HMGCS1: variants seen among roughly 807,000 people sequenced by gnomAD.
The protein encoded by HMGCS1 is 3-hydroxy-3-methylglutaryl-CoA synthase 1, also known as hydroxymethylglutaryl-CoA synthase, cytoplasmic.
In HMGCS1, 9 loss-of-function variants were observed where a neutral mutation model predicts 52.3. The ratio of observed to expected loss-of-function variants is 0.17; its 90% confidence interval spans 0.10 to 0.30. The LOEUF (loss-of-function observed/expected upper bound fraction) is 0.30. Among genes scored for constraint, HMGCS1 ranks in the 10% least tolerant of loss-of-function variants. HMGCS1 has a pLI of 1.00. For synonymous variants in HMGCS1, 176 were observed against 214.4 expected, an observed-to-expected ratio of 0.82 and a Z score of 1.57; for missense variants, 320 against 620.9, an observed-to-expected ratio of 0.52 and a Z score of 5.15.
chr5:43,310,509 AG>A (rs1365366134), intron 1 of HMGCS1, among the ~76,000 whole-genome samples: 1 of 152,236 alleles, frequency 6.6e-6, no homozygotes, highest in Non-Finnish European at 1.5e-5. Flanking sequence ...CTTGAAGTAA[AG>A]GGTACTCAAA....
chr5:43,306,674 C>T (rs1471626568), intron 2 of HMGCS1, among the ~76,000 whole-genome samples: 1 of 150,848 alleles, frequency 6.6e-6, no homozygotes, highest in Non-Finnish European at 1.5e-5. Context: ...CAGAAAAATC[C>T]AAAATCTTTA....
chr5:43,289,161 A>G lies in HMGCS1; in HGVS notation c.*1970T>C, dbSNP rs1046210659. The G allele has an allele frequency of 6.6e-6, 1 of 152,208 alleles. No homozygotes were observed. Among genetic ancestry groups the G allele is most frequent in the African/African-American group, 2.4e-5 (1 of 41,450 alleles). The allele number at this position is 152,208 out of a possible 1,614,324, so 9.4% of individuals were successfully genotyped here. ...AATAATTATCAGTGTAAATTCCTCC[A>G]TTCTAGATGAACAGCTCCTTAAAGA... is the stretch of plus-strand genomic sequence containing the variant. On this transcript the variant is annotated 3_prime_UTR_variant, in exon 11 of 11. Transcript: ENST00000325110.
rs1292637481 is a variant in HMGCS1 at position 43,298,183 on chromosome 5, C to T, written c.449-49G>A. 6.6e-7 allele frequency: 1 copy of T among 1,512,392 alleles called. No homozygotes were observed. The highest frequency in any genetic ancestry group is 9.0e-7 in the Non-Finnish European group (1 of 1,107,596). The allele number at this position is 1,512,392 out of a possible 1,614,324, so 93.7% of individuals were successfully genotyped here. On this transcript the variant is annotated intron_variant, in intron 3 of 10. Coordinates refer to ENST00000325110, the MANE Select transcript of HMGCS1 (RefSeq NM_001098272.3). This position sits in a 1 kb window ranked among gnomAD's most constrained non-coding sequence, Gnocchi z 5.6. ...CACAAGAAGGAATTCAACACTATAA[C>T]CAAACATGGAAACTGAAGTCTGTTA...
At chr5:43,294,567 T>G in intron 7 of HMGCS1, 124 bp downstream of exon 7, 1 of 621,234 alleles carries the variant, frequency 1.6e-6, no homozygotes, top group South Asian at 2.4e-5. Flanking sequence ...AATAGCAGAT[T>G]AGAGAGCCTC....
intron 1 of HMGCS1, among the ~76,000 whole-genome samples, chr5:43,312,432 CATT>C (rs1172481474): frequency 6.6e-6 from 1 of 152,228 alleles, no homozygotes; most frequent in African/African-American, 2.4e-5. Flanking sequence ...CACAACCTCA[CATT>C]ATTTGTTCCC....
In HMGCS1 at chr5:43,294,132, T is replaced by C. The variant is rs1753917847; in HGVS notation, c.1107A>G (p.Arg369=). ...QYSPQQLAGK[R]IGVFSYGSGL... is the part of the protein sequence containing the mutation. ...CAGAACCATAAGAAAACACTCCAAT[T>C]CTCTTCCCTGCTAATTGCTGAGGTG... The change falls in exon 8 of 11, where the codon AGA becomes AGG. Residue 369 remains arginine, a synonymous_variant. Transcript: ENST00000325110. The C allele has an allele frequency of 6.2e-7, 1 of 1,613,010 alleles. No homozygotes were observed. Among genetic ancestry groups the C allele is most frequent in the South Asian group, 1.1e-5 (1 of 91,066 alleles).
intron 2 of HMGCS1, among the ~76,000 whole-genome samples, chr5:43,302,994 T>C (rs1754393861): frequency 6.6e-6 from 1 of 152,218 alleles, no homozygotes; most frequent in Non-Finnish European, 1.5e-5. Flanking sequence ...TTTTCCATCT[T>C]ATTGAATGTG....
intron 2 of HMGCS1, among the ~76,000 whole-genome samples, chr5:43,301,715 A>T (rs986589935): frequency 2.0e-5 from 3 of 152,260 alleles, no homozygotes; most frequent in Admixed American, 6.5e-5. Flanking sequence ...GGAAGCTGAC[A>T]TGGCAGTCCA....
intron 1 of HMGCS1, among the ~76,000 whole-genome samples, chr5:43,311,041 C>G (rs972111579): frequency 1.3e-5 from 2 of 152,124 alleles, no homozygotes; most frequent in Non-Finnish European, 2.9e-5. Context: ...GAGTCTAGTT[C>G]TAGCCAGGCA....
chr5:43,287,856 T>G lies in HMGCS1; in HGVS notation c.*3275A>C, dbSNP rs970393821. 6.6e-6 allele frequency: 1 copy of G among 152,194 alleles called. No individual in the cohort carries two copies. The highest frequency in any genetic ancestry group is 1.5e-5 in the Non-Finnish European group (1 of 68,070). The allele number at this position is 152,194 out of a possible 1,614,324, so 9.4% of individuals were successfully genotyped here. ...ATTCTCTGAGAACCTGGTCAAAGAC[T>G]TCATGGAATTAGTTACCACAGCAGT... On this transcript the variant is annotated 3_prime_UTR_variant, in exon 11 of 11. Transcript: ENST00000325110.
In HMGCS1 at chr5:43,294,097, G is replaced by A; in HGVS notation, c.1142C>T (p.Ala381Val). Residue 381 changes from alanine to valine, a missense_variant, in exon 8 of 11, where the codon GCC (alanine) becomes GTC (valine). By Grantham distance (64) the Ala-to-Val change is moderately conservative. This residue lies in a region of HMGCS1 where 213 missense variants were observed against 337.4 expected (regional missense o/e 0.63). Coordinates refer to ENST00000325110, the MANE Select transcript of HMGCS1 (RefSeq NM_001098272.3). ...GVFSYGSGLA[A>V]TLYSLKVTQD... ...TGTGACTTTAAGAGAGTACAGAGTG[G>A]CAGCCAAACCAGAACCATAAGAAAA... 1 of 1,613,120 alleles carries A rather than the reference G, an allele frequency of 6.2e-7. No homozygotes were observed. The highest frequency in any genetic ancestry group is 1.1e-5 in the South Asian group (1 of 91,054).
At chr5:43,304,122 A>AG (rs1417976555) in intron 2 of HMGCS1, among the ~76,000 whole-genome samples, 2 of 152,254 alleles carry the variant, frequency 1.3e-5, no homozygotes, top group South Asian at 4.1e-4. Flanking sequence ...AAAATAAGAT[A>AG]CTGGATAGTC....
At chr5:43,292,680 C>G in intron 9 of HMGCS1, 43 bp from the exon 10 acceptor site, 3 of 1,557,308 alleles carry the variant, frequency 1.9e-6, no homozygotes, top group Non-Finnish European at 2.7e-6. Context: ...TTATGATATA[C>G]AATTCATCTG....
chr5:43,291,523 T>C (rs1051694144), intron 10 of HMGCS1, among the ~76,000 whole-genome samples: 14 of 152,166 alleles, frequency 9.2e-5, no homozygotes, highest in Admixed American at 7.9e-4. Context: ...CGGTTTGACT[T>C]GCTACCTAAT....
chr5:43,304,287 A>C (rs1267289588), intron 2 of HMGCS1, among the ~76,000 whole-genome samples: 1 of 152,226 alleles, frequency 6.6e-6, no homozygotes, highest in African/African-American at 2.4e-5. Flanking sequence ...TCAACTCTTC[A>C]AACTGCTTTA....
intron 4 of HMGCS1, 69 bp from the exon 5 acceptor site, chr5:43,297,235 C>G: frequency 7.8e-7 from 1 of 1,277,306 alleles, no homozygotes; most frequent in Non-Finnish European, 1.1e-6. Context: ...AATAAGTATA[C>G]TGCATTATCT....
In HMGCS1 at chr5:43,291,214, G is replaced by A. The variant is rs143698235; in HGVS notation, c.1480C>T (p.Pro494Ser). The A allele has an allele frequency of 1.1e-5, 17 of 1,608,236 alleles. No individual in the cohort carries two copies. Among genetic ancestry groups the A allele is most frequent in the Non-Finnish European group, 1.4e-5 (16 of 1,174,912 alleles). Residue 494 changes from proline (P) to serine (S), a missense_variant, in exon 11 of 11, where the codon CCA (proline) becomes TCA (serine). Coordinates refer to ENST00000325110, the MANE Select transcript of HMGCS1 (RefSeq NM_001098272.3). ...CTTGGTACTTTCTTGGCAGGGCTTG[G>A]AATATGCTAAAATGAAAGGAAAAAA... is the stretch of plus-strand genomic sequence containing the variant. Reference protein sequence around the residue: ...VHSNIATEHIPSPAKKVPRLP... With the variant: ...VHSNIATEHISSPAKKVPRLP...
At chr5:43,301,015 C>A (rs1754291238) in intron 2 of HMGCS1, among the ~76,000 whole-genome samples, 1 of 151,922 alleles carries the variant, frequency 6.6e-6, no homozygotes, top group Non-Finnish European at 1.5e-5. Context: ...AAACAGGTAA[C>A]AACATTGAGA....
At chr5:43,296,372 T>C (rs1380696787) in intron 5 of HMGCS1, among the ~76,000 whole-genome samples, 1 of 152,204 alleles carries the variant, frequency 6.6e-6, no homozygotes, top group Non-Finnish European at 1.5e-5. Context: ...TGTTAATATA[T>C]ACTGCAAGAA....
Sources: allele counts gnomAD v4.1 joint callset (sites outside exome capture counted in the v4.1 genomes callset), GRCh38; gene constraint gnomAD v4.1.1; regional missense constraint gnomAD v4.1.1; non-coding constraint Gnocchi (gnomAD v3.1); transcripts MANE v1.5; gene names NCBI Gene and HGNC (gene_info 2026-07-23, HGNC 2026-07-21).